Variants in PRIMA1 observed in about 807,000 individuals in gnomAD.
PRIMA1 encodes the protein proline rich membrane anchor 1.
PRIMA1 carries 7 observed loss-of-function variants against 17.5 expected under a neutral mutation model. The ratio of observed to expected loss-of-function variants is 0.40; its 90% CI spans 0.23 to 0.75. The LOEUF is 0.75. Ranked by LOEUF, PRIMA1 falls within the 30% of genes least tolerant of loss-of-function variation. The pLI is 0.37. For synonymous variants in PRIMA1, 97 were observed against 77.9 expected (o/e 1.25, Z -1.29); for missense variants, 200 against 201.8 (o/e 0.99, Z 0.05).
chr14:93,762,508 C>A (rs1421417358), intron 3 of PRIMA1, among the ~76,000 whole-genome samples: 1 of 151,986 alleles, frequency 6.6e-6, no homozygotes, highest in Non-Finnish European at 1.5e-5. Context: ...CCCATCAGAA[C>A]CAGGCTGACT....
intron 2 of PRIMA1, among the ~76,000 whole-genome samples, chr14:93,786,628 A>C (rs1271684061): frequency 1.3e-5 from 2 of 152,088 alleles, no homozygotes; most frequent in African/African-American, 2.4e-5. Flanking sequence ...GAGGCTACAA[A>C]TACCCCAGAG....
rs1225333176 is a variant in PRIMA1 at position 93,788,456 on chromosome 14, G to T, written c.-78C>A. 2 of 152,336 alleles carry T rather than the reference G, an allele frequency of 1.3e-5. No individual in the cohort carries two copies. The highest frequency in any genetic ancestry group is 2.9e-5 in the Non-Finnish European group (2 of 68,128). The allele number at this position is 152,336 out of a possible 1,614,324, so 9.4% of individuals were successfully genotyped here. On this transcript the variant is annotated 5_prime_UTR_variant, in exon 1 of 5. Coordinates refer to ENST00000393140, the MANE Select transcript of PRIMA1 (RefSeq NM_178013.4). ...CCGACCCTGGGCTCGGGGAAAAGAG[G>T]TCCGCGTTCCCCCCGCGGCAGCTCT... is the stretch of plus-strand genomic sequence containing the variant.
chr14:93,742,964 G>A (rs145792354), intron 3 of PRIMA1, among the ~76,000 whole-genome samples: 5 of 152,244 alleles, frequency 3.3e-5, no homozygotes, highest in Non-Finnish European at 7.3e-5. Context: ...GAGAGAAGCT[G>A]CACACAGGAG....
intron 4 of PRIMA1, among the ~76,000 whole-genome samples, chr14:93,722,738 T>C (rs1162164621): frequency 7.5e-4 from 1 of 1,330 alleles, no homozygotes; most frequent in Non-Finnish European, 2.5e-3. Flanking sequence ...ATGGTTGGGT[T>C]AACAGTGGTG....
chr14:93,755,796 C>G (rs1192877276), intron 3 of PRIMA1, among the ~76,000 whole-genome samples: 1 of 152,076 alleles, frequency 6.6e-6, no homozygotes, highest in Non-Finnish European at 1.5e-5. Flanking sequence ...ACTGTGGAGA[C>G]AATTCAGCAT....
Position 93,737,284 on chromosome 14 carries a change from A to G in PRIMA1, c.316T>C (p.Phe106Leu), listed in dbSNP as rs201669590. The part of the protein sequence containing the change: ...IIAVCCASLV[F>L]LTVLVIICYK... The stretch of plus-strand genomic sequence containing the variant: ...CAAATGATGACAAGCACAGTCAGAA[A>G]CACCAGGGAGGCACAGCATACGGCA... The change falls in exon 4 of 5, where the codon TTT (phenylalanine) becomes CTT (leucine). Residue 106 changes from phenylalanine to leucine, a missense_variant. Physicochemically the swap from Phe to Leu is conservative, Grantham distance 22. Coordinates refer to ENST00000393140, the MANE Select transcript of PRIMA1 (RefSeq NM_178013.4). The G allele has an allele frequency of 6.2e-7, 1 of 1,614,172 alleles. No homozygotes were observed. The highest frequency in any genetic ancestry group is 8.5e-7 in the Non-Finnish European group (1 of 1,180,036).
At chr14:93,742,044 C>G (rs983745035) in intron 3 of PRIMA1, among the ~76,000 whole-genome samples, 1 of 152,218 alleles carries the variant, frequency 6.6e-6, no homozygotes, top group African/African-American at 2.4e-5. Context: ...CAGCTGTCTT[C>G]TCATTATGAG....
At chr14:93,771,131 TGTGCAC>T (rs1885050213) in intron 3 of PRIMA1, among the ~76,000 whole-genome samples, 2 of 146,314 alleles carry the variant, frequency 1.4e-5, no homozygotes, top group South Asian at 2.2e-4. Flanking sequence ...TGTGTGTGCA[TGTGCAC>T]GTATGTGTGT....
chr14:93,761,580 C>T lies in PRIMA1; in HGVS notation c.229+17596G>A, dbSNP rs376992882. ...AATGCTATTCCTCGTCTTCAAGGGG[C>T]TAATTCCTTCTCCTCCTTCCAATAT... On this transcript the variant is annotated intron_variant, in intron 3 of 4. Transcript: ENST00000393140. Among the ~76,000 whole-genome samples the T allele has an allele frequency of 4.6e-5, 7 of 152,134 alleles. No individual in the cohort carries two copies. In the East Asian group the frequency reaches 7.7e-4, roughly 17 times the overall value.
intron 3 of PRIMA1, among the ~76,000 whole-genome samples, chr14:93,762,769 A>C (rs139257665): frequency 4.6e-5 from 7 of 152,206 alleles, no homozygotes; most frequent in African/African-American, 1.7e-4. Context: ...CAAGTCAAGA[A>C]ACACCCTCTG....
Position 93,718,541 on chromosome 14 carries a change from CA to C in PRIMA1, c.*2902del, listed in dbSNP as rs1435517044. On this transcript the variant is annotated 3_prime_UTR_variant, in exon 5 of 5. Coordinates refer to ENST00000393140, the MANE Select transcript of PRIMA1 (RefSeq NM_178013.4). ...GGCACGTTGCTAAGAAGGCAGATTT[CA>C]GGATATTCACATTCATGCATTACGT... is the stretch of plus-strand genomic sequence containing the variant. 1 of 152,524 alleles carries C rather than the reference CA, an allele frequency of 6.6e-6. No individual in the cohort carries two copies. Among genetic ancestry groups the C allele is most frequent in the Non-Finnish European group, 1.5e-5 (1 of 68,040 alleles). 9.4% of individuals were successfully genotyped at this position (152,524 alleles called of 1,614,324 possible). A position where few individuals can be genotyped will look rare whatever the true frequency, so the allele number is the denominator to read the frequency against.
intron 2 of PRIMA1, among the ~76,000 whole-genome samples, chr14:93,785,976 CACAAAATTA>C (rs1391948636): frequency 6.6e-6 from 1 of 152,154 alleles, no homozygotes; most frequent in Non-Finnish European, 1.5e-5. Context: ...GAACTGCTTT[CACAAAATTA>C]TTTCTTCTGG....
At chr14:93,734,583 T>C (rs2076136253) in intron 4 of PRIMA1, among the ~76,000 whole-genome samples, 2 of 143,826 alleles carry the variant, frequency 1.4e-5, no homozygotes, top group Admixed American at 7.2e-5. Context: ...ACTTGCTCTC[T>C]GGGCCTGCCC....
chr14:93,742,116 C>G (rs1217737554), intron 3 of PRIMA1, among the ~76,000 whole-genome samples: 1 of 152,220 alleles, frequency 6.6e-6, no homozygotes, highest in Non-Finnish European at 1.5e-5. Flanking sequence ...GGGGCCAGAT[C>G]TGCCCTCCTG....
Position 93,726,862 on chromosome 14 carries a change from T to C in PRIMA1, c.360-5316A>G, listed in dbSNP as rs774528661. ...ATGTCCCTACACACATATGCACACA[T>C]ACACATATGTGCACATGCATGCACA... is the stretch of plus-strand genomic sequence containing the variant. On this transcript the variant is annotated intron_variant, in intron 4 of 4. Coordinates refer to ENST00000393140, the MANE Select transcript of PRIMA1 (RefSeq NM_178013.4). The surrounding 1 kb of genome is among the most constrained non-coding windows in gnomAD (Gnocchi z 4.2). Among the ~76,000 whole-genome samples the C allele has an allele frequency of 5.9e-5, 9 of 152,056 alleles. No individual in the cohort carries two copies. The highest frequency in any genetic ancestry group is 1.0e-4 in the Non-Finnish European group (7 of 68,000).
intron 3 of PRIMA1, among the ~76,000 whole-genome samples, chr14:93,769,607 A>G (rs1045421963): frequency 9.2e-5 from 14 of 152,158 alleles, no homozygotes; most frequent in Admixed American, 3.3e-4. Flanking sequence ...GGCATTCATG[A>G]GGTTTCATAA....
chr14:93,780,590 C>G (rs978618039), intron 2 of PRIMA1, among the ~76,000 whole-genome samples: 2 of 152,168 alleles, frequency 1.3e-5, no homozygotes, highest in Non-Finnish European at 2.9e-5. Flanking sequence ...CCTGGCTGTA[C>G]CTTGGAATCT....
At position 93,739,367 on chromosome 14, in the gene PRIMA1, G is replaced by A. The variant is rs116521619; in HGVS notation, c.230-1997C>T. Reference sequence around the variant, plus strand: ...GTGCCTGGCCACAATTTGTTTATCCGTTCACCTGATGACCAACACCTAGGT... The same window carrying A: ...GTGCCTGGCCACAATTTGTTTATCCATTCACCTGATGACCAACACCTAGGT... On this transcript the variant is annotated intron_variant, in intron 3 of 4. Transcript: ENST00000393140. Among the ~76,000 whole-genome samples the A allele has an allele frequency of 3.5e-3, 538 of 152,210 alleles. 5 individuals are homozygous for A. Among genetic ancestry groups the A allele is most frequent in the African/African-American group, 0.012 (515 of 41,538 alleles).
Position 93,787,790 on chromosome 14 carries a change from A to G in PRIMA1, c.-31-41T>C, listed in dbSNP as rs572663641. On this transcript the variant is annotated intron_variant, in intron 1 of 4. Coordinates refer to ENST00000393140, the MANE Select transcript of PRIMA1 (RefSeq NM_178013.4). ...GGCTAGGGTCAGGCGGACACCGCGC[A>G]GGCACTTCCGCCGCCGCGCACCAAT... 1.1e-5 allele frequency: 17 copies of G among 1,509,906 alleles called. No homozygotes were observed. The East Asian group carries it at 2.0e-4, about 18-fold the overall frequency. The allele number at this position is 1,509,906 out of a possible 1,614,324, so 93.5% of individuals were successfully genotyped here.
Sources: gnomAD v4.1 joint callset for allele counts (sites outside exome capture counted in the v4.1 genomes callset) on GRCh38, gnomAD v4.1.1 for gene constraint, Gnocchi (gnomAD v3.1) non-coding constraint, MANE v1.5 for transcripts, NCBI Gene and HGNC (gene_info 2026-07-23, HGNC 2026-07-21) for gene names.